The following POLE variants were observed in gnomAD, a reference collection of about 807,000 sequenced individuals.
The protein encoded by POLE is DNA polymerase epsilon catalytic subunit A.
In POLE, 188 loss-of-function variants were observed where a neutral mutation model predicts 279.2. That is an observed-to-expected ratio of 0.67 (90% CI 0.60 to 0.76). The LOEUF is 0.76. POLE is among the 30% of genes least tolerant of loss of function. POLE has a pLI of 0.00. For missense variants in POLE, 2,703 were observed against 3,016.7 expected (o/e 0.90, Z 2.44); for synonymous variants, 1,214 against 1,172.5 (o/e 1.04, Z -0.72).
intron 47 of POLE, 37 bp from the exon 48 acceptor site, chr12:132,625,031 C>G: frequency 6.6e-7 from 1 of 1,523,248 alleles, no homozygotes; most frequent in Non-Finnish European, 9.1e-7. Context: ...CCAGCCCTCC[C>G]GCGCTGGCCA....
intron 40 of POLE, chr12:132,638,620 G>A (rs1328142376): frequency 5.9e-6 from 1 of 168,224 alleles, no homozygotes; most frequent in Non-Finnish European, 1.3e-5. Context: ...GGGCCGCTCT[G>A]GTGAAGTCCA....
intron 45 of POLE, among the ~76,000 whole-genome samples, chr12:132,631,145 G>A (rs1219631039): frequency 6.6e-6 from 1 of 152,138 alleles, no homozygotes; most frequent in African/African-American, 2.4e-5. Context: ...TGATACACAC[G>A]AGCGCGTGGA....
At chr12:132,648,829 A>G in intron 32 of POLE, 100 bp downstream of exon 32, 1 of 1,243,620 alleles carries the variant, frequency 8.0e-7, no homozygotes, top group Admixed American at 2.2e-5. Flanking sequence ...ACATCCCCAT[A>G]AGGTACTGAG....
chr12:132,654,589 G>A (rs534717433), intron 29 of POLE, among the ~76,000 whole-genome samples: 1 of 152,202 alleles, frequency 6.6e-6, no homozygotes, highest in Admixed American at 6.5e-5. Context: ...TGAAAAAGAT[G>A]TGACCAGCCA....
intron 30 of POLE, 28 bp from the exon 31 acceptor site, chr12:132,649,543 G>A (rs2042371071): frequency 1.2e-6 from 2 of 1,607,374 alleles, no homozygotes; most frequent in Non-Finnish European, 1.7e-6. Flanking sequence ...CACAGCCAGT[G>A]TGCAAGTGGT....
rs1292108999 is a variant in POLE, at chr12:132,679,590, T to C, written c.485A>G (p.Asp162Gly). ...YIRLSFHTVE[D>G]LVKVRKEISP... is the part of the protein sequence containing the mutation. ...GATCTCCTTCCTCACTTTGACAAGA[T>C]CCTCCACAGTGTGGAAGGACAGCCT... is the stretch of plus-strand genomic sequence containing the variant. The change falls in exon 6 of 49, where the codon GAT (aspartate) becomes GGT (glycine). Residue 162 changes from aspartate to glycine, a missense_variant. By Grantham distance (94) the Asp-to-Gly change is moderately conservative. Around this residue, in one of 5 missense-constraint regions of POLE, gnomAD observed 1,011 missense variants for 1,111.7 expected, o/e 0.91. Transcript: ENST00000320574. 1 of 1,613,896 alleles carries C rather than the reference T, an allele frequency of 6.2e-7. No individual in the cohort carries two copies.
rs370971579 is a variant in POLE at position 132,643,928 on chromosome 12, T to C, written c.4199A>G (p.Tyr1400Cys). ...RSNMVYNLYE[Y>C]SVPEDMYQEH... is the part of the protein sequence containing the mutation. ...CTGGTACATGTCCTCTGGCACTGAA[T>C]ACTCATAGAGATTGTAGACCATGTT... The change falls in exon 33 of 49, where the codon TAT becomes TGT. Residue 1400 changes from tyrosine (Y) to cysteine (C), a missense_variant. This residue lies in a region of POLE where 1,551 missense variants were observed against 1,686.1 expected (regional missense o/e 0.92). Coordinates refer to ENST00000320574, the MANE Select transcript of POLE (RefSeq NM_006231.4). 26 of 1,614,000 alleles carry C rather than the reference T, an allele frequency of 1.6e-5. No homozygotes were observed. The highest frequency in any genetic ancestry group is 2.2e-5 in the South Asian group (2 of 91,092).
chr12:132,626,226 T>G lies in POLE; in HGVS notation c.6422A>C (p.Glu2141Ala), dbSNP rs1471291660. The G allele has an allele frequency of 6.2e-7, 1 of 1,613,784 alleles. No homozygotes were observed. The highest frequency in any genetic ancestry group is 8.5e-7 in the Non-Finnish European group (1 of 1,180,006). ...GCGGCAGGGGTCTCGGAACTGGGCCTCCTCGGAGAACTCGCCGACATCCAC... is the reference window on the plus strand; with the variant it reads ...GCGGCAGGGGTCTCGGAACTGGGCCGCCTCGGAGAACTCGCCGACATCCAC... ...RLVDVGEFSE[E>A]AQFRDPCRSY... Residue 2141 changes from glutamate to alanine, a missense_variant, in exon 46 of 49, where the codon GAG becomes GCG. Glu to Ala is a moderately radical substitution (Grantham distance 107, BLOSUM62 -1). This residue lies in a region of POLE where 1,551 missense variants were observed against 1,686.1 expected (regional missense o/e 0.92). Coordinates refer to ENST00000320574, the MANE Select transcript of POLE (RefSeq NM_006231.4).
rs745933620 is a variant in POLE at position 132,665,458 on chromosome 12, G to A, written c.2320-8C>T. The A allele has an allele frequency of 5.0e-5, 80 of 1,604,450 alleles. No individual in the cohort carries two copies. Among genetic ancestry groups the A allele is most frequent in the Non-Finnish European group, 6.8e-5 (80 of 1,175,946 alleles). On this transcript the variant is annotated splice_polypyrimidine_tract_variant and splice_region_variant and intron_variant, in intron 20 of 48. Transcript: ENST00000320574. ...GAGCTTCTTTTTCCACACCTGAGAA[G>A]CACATGAACATGGAGCACCTCACAG...
rs1241443311 is a variant in POLE, at chr12:132,661,517, A to G, written c.2864+10T>C. The G allele has an allele frequency of 1.2e-6, 2 of 1,613,584 alleles. No individual in the cohort carries two copies. Among genetic ancestry groups the G allele is most frequent in the African/African-American group, 1.3e-5 (1 of 74,906 alleles). ...TCCTTTCTAAAGCACAAAAGCTATG[A>G]GAGTCCCACCTCTTCTTCAATTTCT... On this transcript the variant is annotated intron_variant, in intron 24 of 48. Transcript: ENST00000320574. This position sits in a 1 kb window ranked among gnomAD's most constrained non-coding sequence, Gnocchi z 4.1.
chr12:132,662,995 G>A (rs1021978330), intron 23 of POLE, among the ~76,000 whole-genome samples: 4 of 152,180 alleles, frequency 2.6e-5, no homozygotes, highest in African/African-American at 4.8e-5. Flanking sequence ...ACAGACAATC[G>A]CCAGAGAAAA....
Position 132,649,695 on chromosome 12 carries a change from G to T in POLE, c.3777C>A (p.Pro1259=), listed in dbSNP as rs770904877. The change falls in exon 30 of 49, where the codon CCC becomes CCA. Residue 1259 remains proline, a synonymous_variant. Coordinates refer to ENST00000320574, the MANE Select transcript of POLE (RefSeq NM_006231.4). The part of the protein sequence containing the change: ...VPWQEILGQP[P]ALGTSQEEWL... ...GCCTTACCTGGCTGGTTCCCAGGGC[G>T]GGAGGCTGCCCCAAGATTTCCTGCC... 6.2e-6 allele frequency: 10 copies of T among 1,614,040 alleles called. No individual in the cohort carries two copies. The highest frequency in any genetic ancestry group is 4.5e-5 in the East Asian group (2 of 44,876).
intron 47 of POLE, 152 bp from the exon 48 acceptor site, chr12:132,625,146 T>C: frequency 2.9e-6 from 2 of 685,324 alleles, no homozygotes; most frequent in Admixed American, 4.1e-5. Flanking sequence ...ATGAGTAAAA[T>C]GCACGACCTC....
chr12:132,636,705 T>A (rs2042042017), intron 41 of POLE, among the ~76,000 whole-genome samples: 1 of 152,076 alleles, frequency 6.6e-6, no homozygotes, highest in South Asian at 2.1e-4. Flanking sequence ...CAGTGAGCCA[T>A]GACTGCACCA....
chr12:132,683,654 C>G (rs1028436264), intron 1 of POLE, among the ~76,000 whole-genome samples: 1 of 152,198 alleles, frequency 6.6e-6, no homozygotes, highest in Non-Finnish European at 1.5e-5. Context: ...AGTCCCAGAT[C>G]TTTATCAAAA....
intron 3 of POLE, 47 bp downstream of exon 3, chr12:132,680,560 G>A: frequency 1.4e-6 from 2 of 1,394,198 alleles, no homozygotes; most frequent in Non-Finnish European, 2.0e-6. Context: ...AGAGCTACAT[G>A]AACACCCATA....
At chr12:132,641,173 C>A in intron 39 of POLE, 1 of 415,196 alleles carries the variant, frequency 2.4e-6, no homozygotes, top group Non-Finnish European at 4.8e-6. Context: ...ACACAGCAAG[C>A]ATTGCCCAGC....
In POLE at chr12:132,661,988, G is replaced by A. The variant is rs937976866; in HGVS notation, c.2707-304C>T. ...ACACATTGTGGGTTGCCAGGGTTTCGGGGTAGGGAGAGGATTTGCTGACAA... is the reference window on the plus strand; with the variant it reads ...ACACATTGTGGGTTGCCAGGGTTTCAGGGTAGGGAGAGGATTTGCTGACAA... On this transcript the variant is annotated intron_variant, in intron 23 of 48. Transcript: ENST00000320574. The surrounding 1 kb of genome is among the most constrained non-coding windows in gnomAD (Gnocchi z 4.1). 1.3e-5 allele frequency among the ~76,000 whole-genome samples: 2 copies of A among 152,230 alleles called. No individual in the cohort carries two copies. Among genetic ancestry groups the A allele is most frequent in the Admixed American group, 6.5e-5 (1 of 15,284 alleles).
At chr12:132,672,577 T>C (rs771342751) in intron 15 of POLE, 50 bp downstream of exon 15, 9 of 1,573,506 alleles carry the variant, frequency 5.7e-6, no homozygotes, top group Non-Finnish European at 7.9e-6. Context: ...TTCTGGGTCC[T>C]ACCACAGCAC....
Sources: gnomAD v4.1 joint callset for allele counts (sites outside exome capture counted in the v4.1 genomes callset) on GRCh38, gnomAD v4.1.1 for gene constraint, gnomAD v4.1.1 regional missense constraint, Gnocchi (gnomAD v3.1) non-coding constraint, MANE v1.5 for transcripts, NCBI Gene and HGNC (gene_info 2026-07-23, HGNC 2026-07-21) for gene names.